The following SUSD6 variants were observed in gnomAD, a reference collection of about 807,000 sequenced individuals.
SUSD6 encodes the protein sushi domain containing 6, also known as sushi domain-containing protein 6.
A neutral mutation model predicts 28.4 loss-of-function variants in SUSD6; 16 were observed. That is an observed-to-expected ratio of 0.56 (90% CI 0.38 to 0.86). The LOEUF (loss-of-function observed/expected upper bound fraction) is 0.86, where lower values mean the gene tolerates loss of function less well. Ranked by LOEUF, SUSD6 falls within the 40% of genes least tolerant of loss-of-function variation. SUSD6 has a pLI of 0.00. For synonymous variants in SUSD6, 147 were observed against 159.6 expected, an observed-to-expected ratio of 0.92 and a Z score of 0.59; for missense variants, 341 against 384.2, an observed-to-expected ratio of 0.89 and a Z score of 0.94.
intron 1 of SUSD6, among the ~76,000 whole-genome samples, chr14:69,656,485 G>C (rs980282181): frequency 1.3e-5 from 2 of 152,194 alleles, no homozygotes; most frequent in Non-Finnish European, 2.9e-5. Context: ...TCACTGACCA[G>C]CTGGGGCCTC....
chr14:69,628,421 A>G (rs924596565), intron 1 of SUSD6, among the ~76,000 whole-genome samples: 1 of 152,228 alleles, frequency 6.6e-6, no homozygotes, highest in African/African-American at 2.4e-5. Flanking sequence ...ATGAAAGTGT[A>G]TGACATTTCT....
At chr14:69,702,605 G>T (rs909290168) in intron 2 of SUSD6, among the ~76,000 whole-genome samples, 6 of 152,338 alleles carry the variant, frequency 3.9e-5, no homozygotes, top group African/African-American at 1.4e-4. Context: ...AATGTCTGCT[G>T]GTGGAAAGAG....
intron 2 of SUSD6, among the ~76,000 whole-genome samples, chr14:69,690,857 T>G (rs1594719338): frequency 1.3e-5 from 2 of 152,184 alleles, no homozygotes; most frequent in South Asian, 4.1e-4. Context: ...GCTTGTTGGT[T>G]TAGAGGCAAT....
At chr14:69,636,545 C>G (rs1885268650) in intron 1 of SUSD6, among the ~76,000 whole-genome samples, 1 of 152,254 alleles carries the variant, frequency 6.6e-6, no homozygotes, top group Non-Finnish European at 1.5e-5. Flanking sequence ...CTTAGAACAA[C>G]TCTTCATTTC....
At chr14:69,675,504 CTCTA>C (rs1885894107) in intron 2 of SUSD6, among the ~76,000 whole-genome samples, 2 of 151,480 alleles carry the variant, frequency 1.3e-5, no homozygotes, top group African/African-American at 2.4e-5. Context: ...GGCTTTCTTT[CTCTA>C]TCTGTTTTTA....
Position 69,679,675 on chromosome 14 carries a change from C to T in SUSD6, c.121+20962C>T, listed in dbSNP as rs369820143. Reference sequence around the variant, plus strand: ...TTCTTTCAATGTGGCCCAGGGAAGCCGAAAGATTGGACACCCCTGGTGTAA... The same window carrying T: ...TTCTTTCAATGTGGCCCAGGGAAGCTGAAAGATTGGACACCCCTGGTGTAA... On this transcript the variant is annotated intron_variant, in intron 2 of 5. Transcript: ENST00000342745. Among the ~76,000 whole-genome samples the T allele has an allele frequency of 5.3e-5, 8 of 151,758 alleles. No homozygotes were observed. In the East Asian group the frequency reaches 1.2e-3, roughly 22 times the overall value.
chr14:69,676,160 T>C (rs1375412777), intron 2 of SUSD6, among the ~76,000 whole-genome samples: 4 of 152,110 alleles, frequency 2.6e-5, no homozygotes, highest in African/African-American at 9.7e-5. Context: ...AACCCTGATG[T>C]CTGTCTAGGG....
At chr14:69,623,553 T>C (rs1885072623) in intron 1 of SUSD6, among the ~76,000 whole-genome samples, 1 of 152,208 alleles carries the variant, frequency 6.6e-6, no homozygotes, top group Non-Finnish European at 1.5e-5. Flanking sequence ...CTGTACTCCT[T>C]CTACTTAGGA....
intron 1 of SUSD6, among the ~76,000 whole-genome samples, chr14:69,656,687 C>A (rs1176431807): frequency 6.6e-6 from 1 of 152,220 alleles, no homozygotes; most frequent in African/African-American, 2.4e-5. Context: ...CTAATCCTTA[C>A]ATCAACTCTA....
chr14:69,708,477 C>T (rs1222554001), intron 4 of SUSD6, among the ~76,000 whole-genome samples, 200 bp from the exon 5 acceptor site: 1 of 152,148 alleles, frequency 6.6e-6, no homozygotes, highest in East Asian at 1.9e-4. Flanking sequence ...TTCTCTGAGC[C>T]TCATTTGCAT....
At chr14:69,614,317 T>G (rs1566586710) in intron 1 of SUSD6, among the ~76,000 whole-genome samples, 1 of 152,244 alleles carries the variant, frequency 6.6e-6, no homozygotes, top group Non-Finnish European at 1.5e-5. Flanking sequence ...TCTGCCCGTC[T>G]TGGCCTCCCA....
intron 1 of SUSD6, among the ~76,000 whole-genome samples, chr14:69,612,036 C>G (rs1230595842): frequency 1.3e-5 from 2 of 149,252 alleles, no homozygotes; most frequent in African/African-American, 4.9e-5. Flanking sequence ...CCCGCGCTGG[C>G]GTGGCGCGGC....
chr14:69,684,979 T>G (rs1411977167), intron 2 of SUSD6, among the ~76,000 whole-genome samples: 1 of 152,256 alleles, frequency 6.6e-6, no homozygotes, highest in East Asian at 1.9e-4. Flanking sequence ...AGTTATCACT[T>G]TGTTAGGGCT....
intron 1 of SUSD6, among the ~76,000 whole-genome samples, chr14:69,641,283 C>T (rs527294237): frequency 6.0e-5 from 9 of 150,030 alleles, no homozygotes; most frequent in African/African-American, 2.3e-4. Flanking sequence ...CTTCTTGTAT[C>T]TGTTTGTGCA....
intron 2 of SUSD6, among the ~76,000 whole-genome samples, chr14:69,688,102 T>C (rs1235929973): frequency 2.0e-5 from 3 of 152,228 alleles, no homozygotes; most frequent in Non-Finnish European, 4.4e-5. Context: ...CCTCTCTGCA[T>C]TGGGCAGAAA....
intron 3 of SUSD6, 173 bp downstream of exon 3, chr14:69,703,765 G>T (rs1178304567): frequency 6.3e-6 from 4 of 636,648 alleles, no homozygotes; most frequent in Non-Finnish European, 1.1e-5. Flanking sequence ...AGATACTTGA[G>T]GTTGCTGGTG....
intron 2 of SUSD6, among the ~76,000 whole-genome samples, chr14:69,685,311 C>T (rs1263862049): frequency 1.3e-5 from 2 of 152,220 alleles, no homozygotes; most frequent in Non-Finnish European, 2.9e-5. Flanking sequence ...CACTTTGCTC[C>T]CCGTTGAGGA....
rs537815178 is a variant in SUSD6, at chr14:69,660,123, G to GGGACAGT, written c.121+1411_121+1417dup. On this transcript the variant is annotated intron_variant, in intron 2 of 5. Transcript: ENST00000342745. ...TAGATCCTGGAAGGGGACTTTGGTG[G>GGGACAGT]GGACAGTAGGGGAGTGGTATATTGT... 1.6e-4 allele frequency among the ~76,000 whole-genome samples: 24 copies of GGGACAGT among 152,268 alleles called. No individual in the cohort carries two copies. In the South Asian group the frequency reaches 4.8e-3, roughly 30 times the overall value.
chr14:69,687,923 G>T (rs548287259), intron 2 of SUSD6, among the ~76,000 whole-genome samples: 154 of 152,084 alleles, frequency 1.0e-3, no homozygotes, highest in African/African-American at 3.6e-3. Flanking sequence ...ATGCCTTTGA[G>T]TAGGGGCTTT....
Sources: allele counts gnomAD v4.1 joint callset (sites outside exome capture counted in the v4.1 genomes callset), GRCh38; gene constraint gnomAD v4.1.1; transcripts MANE v1.5; gene names NCBI Gene and HGNC (gene_info 2026-07-23, HGNC 2026-07-21).